The following DPP10 variants were observed in gnomAD, a reference collection of about 807,000 sequenced individuals.
DPP10 encodes the protein inactive dipeptidyl peptidase 10.
In DPP10, 33 loss-of-function variants were observed where a neutral mutation model predicts 120.9. That is an observed-to-expected ratio of 0.27 (90% CI 0.21 to 0.37). DPP10 has a LOEUF of 0.37. Among genes scored for constraint, DPP10 ranks in the 10% least tolerant of loss-of-function variants. DPP10 has a pLI of 1.00. For missense variants in DPP10, 816 were observed against 942.8 expected (o/e 0.87, Z 1.76); for synonymous variants, 337 against 326.1 (o/e 1.03, Z -0.36).
intron 8 of DPP10, among the ~76,000 whole-genome samples, chr2:115,734,655 TAAAAAAAAAAAAAAAA>T (rs55950813): frequency 1.0e-5 from 1 of 100,430 alleles, no homozygotes; most frequent in Non-Finnish European, 1.8e-5. Flanking sequence ...GACTCTGTCT[TAAAAAAAAAAAAAAAA>T]AAAAAAAAAA....
chr2:114,816,858 G>A (rs1008146721), intron 1 of DPP10, among the ~76,000 whole-genome samples: 8 of 152,144 alleles, frequency 5.3e-5, no homozygotes, highest in African/African-American at 1.9e-4. Flanking sequence ...AGAAACTCCT[G>A]CAAACTATGA....
At chr2:114,850,551 T>C (rs569320408) in intron 1 of DPP10, among the ~76,000 whole-genome samples, 7 of 152,274 alleles carry the variant, frequency 4.6e-5, no homozygotes, top group African/African-American at 1.4e-4. Flanking sequence ...TTCCCAATCA[T>C]AATTCTTTTT....
intron 1 of DPP10, among the ~76,000 whole-genome samples, chr2:114,767,118 A>C (rs1466339681): frequency 1.7e-4 from 26 of 149,216 alleles, no homozygotes; most frequent in Admixed American, 1.7e-3. Context: ...AAAAAAAAAA[A>C]AAGCTTAAAG....
At chr2:115,499,257 T>G (rs1003113555) in intron 3 of DPP10, among the ~76,000 whole-genome samples, 1 of 152,094 alleles carries the variant, frequency 6.6e-6, no homozygotes, top group Non-Finnish European at 1.5e-5. Context: ...TTTTAATTAA[T>G]TTTCATTTGT....
At chr2:114,671,765 C>G (rs1320360044) in intron 1 of DPP10, among the ~76,000 whole-genome samples, 3 of 152,012 alleles carry the variant, frequency 2.0e-5, no homozygotes, top group Non-Finnish European at 4.4e-5. Flanking sequence ...GGTATTTTAT[C>G]AGTTGTGTTG....
intron 1 of DPP10, among the ~76,000 whole-genome samples, chr2:115,118,600 C>T (rs918676680): frequency 2.6e-5 from 4 of 152,000 alleles, no homozygotes; most frequent in African/African-American, 7.2e-5. Flanking sequence ...GTTTTGGAGA[C>T]GGGGTCTCAC....
intron 1 of DPP10, among the ~76,000 whole-genome samples, chr2:114,702,170 C>T (rs887594805): frequency 6.6e-6 from 1 of 152,058 alleles, no homozygotes; most frequent in African/African-American, 2.4e-5. Flanking sequence ...TTTTTGTTCT[C>T]AGAATTTGAC....
chr2:115,073,321 A>T (rs1448278184), intron 1 of DPP10, among the ~76,000 whole-genome samples: 2 of 152,202 alleles, frequency 1.3e-5, no homozygotes, highest in African/African-American at 4.8e-5. Flanking sequence ...TTCCACCTTG[A>T]GAAGTTATGT....
At chr2:115,648,789 C>T (rs1293567015) in intron 5 of DPP10, among the ~76,000 whole-genome samples, 3 of 151,870 alleles carry the variant, frequency 2.0e-5, no homozygotes, top group Admixed American at 6.6e-5. Context: ...AGATTAGTGG[C>T]GTGGAGAGTC....
intron 1 of DPP10, among the ~76,000 whole-genome samples, chr2:115,274,518 T>C (rs889288076): frequency 6.6e-6 from 1 of 152,138 alleles, no homozygotes; most frequent in Non-Finnish European, 1.5e-5. Context: ...ATGGGAAGAA[T>C]TGTATAGCGT....
At chr2:114,761,411 T>C (rs1019787198) in intron 1 of DPP10, among the ~76,000 whole-genome samples, 2 of 152,162 alleles carry the variant, frequency 1.3e-5, no homozygotes, top group African/African-American at 2.4e-5. Context: ...TCCAGAATAG[T>C]AGAGGCACTT....
At chr2:115,454,351 C>T (rs1466222897) in intron 3 of DPP10, among the ~76,000 whole-genome samples, 1 of 151,508 alleles carries the variant, frequency 6.6e-6, no homozygotes, top group Non-Finnish European at 1.5e-5. Flanking sequence ...TATTAACAAA[C>T]TAAATTCAAG....
intron 1 of DPP10, among the ~76,000 whole-genome samples, chr2:114,921,024 G>A (rs1364148718): frequency 6.6e-6 from 1 of 152,058 alleles, no homozygotes; most frequent in Admixed American, 6.6e-5. Context: ...CAGCATTAAT[G>A]AATTCTTTCT....
At chr2:115,628,261 A>G (rs759480852) in intron 5 of DPP10, among the ~76,000 whole-genome samples, 2 of 152,048 alleles carry the variant, frequency 1.3e-5, no homozygotes, top group Non-Finnish European at 2.9e-5. Context: ...ACGTTTCTCA[A>G]TTGATCAGTG....
intron 1 of DPP10, among the ~76,000 whole-genome samples, chr2:114,516,166 A>G (rs1198221332): frequency 6.6e-6 from 1 of 152,198 alleles, no homozygotes; most frequent in Non-Finnish European, 1.5e-5. Context: ...ACTTAGAACA[A>G]CTGTTCTAGA....
intron 4 of DPP10, among the ~76,000 whole-genome samples, chr2:115,521,605 A>ATTTTTT (rs79361161): frequency 2.1e-5 from 3 of 143,552 alleles, no homozygotes; most frequent in Admixed American, 6.9e-5. Context: ...TCTAATCCTT[A>ATTTTTT]TTTTTTTTTT....
intron 5 of DPP10, among the ~76,000 whole-genome samples, chr2:115,630,248 T>C (rs2085733782): frequency 6.6e-6 from 1 of 152,176 alleles, no homozygotes; most frequent in Admixed American, 6.5e-5. Context: ...TTTTTGCTCA[T>C]TGATTTTGTA....
chr2:115,186,401 G>A (rs1464871768), intron 1 of DPP10, among the ~76,000 whole-genome samples: 1 of 152,176 alleles, frequency 6.6e-6, no homozygotes, highest in African/African-American at 2.4e-5. Context: ...AGAGCCTACG[G>A]TGGAATACAA....
chr2:114,774,962 T>C (rs1681596759), intron 1 of DPP10, among the ~76,000 whole-genome samples: 2 of 152,032 alleles, frequency 1.3e-5, no homozygotes, highest in African/African-American at 4.8e-5. Flanking sequence ...TTATTATTAT[T>C]CACATTTTAG....
Sources: allele counts gnomAD v4.1 joint callset (sites outside exome capture counted in the v4.1 genomes callset), GRCh38; gene constraint gnomAD v4.1.1; transcripts MANE v1.5; gene names NCBI Gene and HGNC (gene_info 2026-07-23, HGNC 2026-07-21).